Variants in OAT observed in about 807,000 individuals in gnomAD.
OAT encodes ornithine aminotransferase, mitochondrial.
Under a neutral mutation model 48.4 loss-of-function variants are expected in OAT, and 35 were observed. That is an observed-to-expected ratio of 0.72 (90% CI 0.55 to 0.96). The LOEUF (loss-of-function observed/expected upper bound fraction) is 0.96. Among genes scored for constraint, OAT ranks in the 40% least tolerant of loss-of-function variants. OAT has a pLI of 0.00. For synonymous variants in OAT, 182 were observed against 198.4 expected (o/e 0.92, Z 0.70); for missense variants, 438 against 537.9 (o/e 0.81, Z 1.84).
rs767965207 is a variant in OAT, at chr10:124,400,876, CT to C, written c.1122del (p.Gly375AspfsTer3). ...PSDVVTAVRG[K>X]GLLNAIVIKE... The stretch of plus-strand genomic sequence containing the variant: ...TTAATGACAATAGCGTTTAATAATC[CT>C]TTTCCTCTTACGGCAGTTACAACAT... On this transcript the variant is annotated frameshift_variant, in exon 9 of 10. Coordinates refer to ENST00000368845, the MANE Select transcript of OAT (RefSeq NM_000274.4). LOFTEE classifies it high-confidence loss of function. The C allele has an allele frequency of 6.2e-7, 1 of 1,604,984 alleles. No homozygotes were observed. Among genetic ancestry groups the C allele is most frequent in the Non-Finnish European group, 8.5e-7 (1 of 1,173,672 alleles).
In OAT at chr10:124,412,217, G is replaced by C. The variant is rs556341556; in HGVS notation, c.-29-17C>G. On this transcript the variant is annotated splice_polypyrimidine_tract_variant and intron_variant, in intron 1 of 9. Transcript: ENST00000368845. ...ACCACAGATCTGTCCAAAGAAAAGA[G>C]AATGCATTAAGAGTGAGAATCCTTG... is the stretch of plus-strand genomic sequence containing the variant. 4 of 1,563,674 alleles carry C rather than the reference G, an allele frequency of 2.6e-6. No individual in the cohort carries two copies. The Admixed American group carries it at 6.7e-5, about 26-fold the overall frequency.
At chr10:124,416,070 T>C (rs760553825) in intron 1 of OAT, among the ~76,000 whole-genome samples, 1 of 152,180 alleles carries the variant, frequency 6.6e-6, no homozygotes, top group Non-Finnish European at 1.5e-5. Flanking sequence ...GCATCCATAT[T>C]AGCTTTTTTT....
intron 4 of OAT, chr10:124,407,296 G>A: frequency 2.0e-6 from 2 of 985,462 alleles, no homozygotes; most frequent in Non-Finnish European, 2.4e-6. Context: ...AGGTATAAGG[G>A]ACTTACAGTT....
At chr10:124,402,551 A>G (rs1452279729) in intron 7 of OAT, among the ~76,000 whole-genome samples, 1 of 152,230 alleles carries the variant, frequency 6.6e-6, no homozygotes, top group Non-Finnish European at 1.5e-5. Context: ...CAAGACATGA[A>G]CTACAACAAA....
chr10:124,400,319 G>A (rs111663831), intron 9 of OAT, among the ~76,000 whole-genome samples: 1,938 of 151,750 alleles, frequency 0.013, 41 homozygotes, highest in African/African-American at 0.045. Context: ...GTGTTGGCAC[G>A]TGCCTGTAAT....
At position 124,397,933 on chromosome 10, in the gene OAT, T is replaced by C. The variant is rs758255749; in HGVS notation, c.*9A>G. Reference sequence around the variant, plus strand: ...GCTCCCAGGGACCACTGAAAACAGCTGGCTACCCTCAGAAAGACAAGATGG... The same window carrying C: ...GCTCCCAGGGACCACTGAAAACAGCCGGCTACCCTCAGAAAGACAAGATGG... On this transcript the variant is annotated 3_prime_UTR_variant, in exon 10 of 10. Coordinates refer to ENST00000368845, the MANE Select transcript of OAT (RefSeq NM_000274.4). The C allele has an allele frequency of 1.9e-6, 3 of 1,613,710 alleles. No individual in the cohort carries two copies. In the South Asian group the frequency reaches 3.3e-5, roughly 18 times the overall value.
intron 5 of OAT, among the ~76,000 whole-genome samples, chr10:124,404,271 A>ATTTCT (rs1951507436): frequency 7.1e-6 from 1 of 141,238 alleles, no homozygotes; most frequent in Non-Finnish European, 1.5e-5. Context: ...ATTTATTTTC[A>ATTTCT]TTTTTTTTTT....
At position 124,403,759 on chromosome 10, in the gene OAT, T is replaced by TC. The variant is rs1276369202; in HGVS notation, c.771+38dup. On this transcript the variant is annotated intron_variant, in intron 6 of 9. Transcript: ENST00000368845. ...TTCAGCCTCATCACAAACAGCTAACTCGACATTCAGCCTTATCACAAACAG... is the reference window on the plus strand; with the variant it reads ...TTCAGCCTCATCACAAACAGCTAACTCCGACATTCAGCCTTATCACAAACAG... 6 of 1,613,418 alleles carry TC rather than the reference T, an allele frequency of 3.7e-6. No homozygotes were observed. In the African/African-American group the frequency reaches 8.0e-5, roughly 22 times the overall value.
At chr10:124,411,878 C>A (rs536361682) in intron 2 of OAT, 95 bp downstream of exon 2, 120 of 1,059,702 alleles carry the variant, frequency 1.1e-4, no homozygotes, top group Non-Finnish European at 1.5e-4. Flanking sequence ...ACATTAAACA[C>A]ATCTAGAAAA....
chr10:124,413,257 CATAA>C (rs1389930576), intron 1 of OAT, among the ~76,000 whole-genome samples: 2 of 138,896 alleles, frequency 1.4e-5, no homozygotes, highest in African/African-American at 2.8e-5. Flanking sequence ...TACATACATA[CATAA>C]ATACATACAC....
intron 9 of OAT, among the ~76,000 whole-genome samples, chr10:124,400,581 C>T (rs1951378034): frequency 6.6e-6 from 1 of 151,964 alleles, no homozygotes; most frequent in African/African-American, 2.4e-5. Flanking sequence ...TATGAAACCC[C>T]ATCTCTATTA....
At position 124,400,926 on chromosome 10, in the gene OAT, T is replaced by C. The variant is rs1259134069; in HGVS notation, c.1073A>G (p.Asn358Ser). The C allele has an allele frequency of 6.2e-7, 1 of 1,610,254 alleles. No homozygotes were observed. The highest frequency in any genetic ancestry group is 1.3e-5 in the African/African-American group (1 of 74,850). ...NADKLGIILR[N>S]ELMKLPSDVV... is the part of the protein sequence containing the mutation. Reference sequence around the variant, plus strand: ...ATCAGAAGGTAGCTTCATGAGTTCATTTCTCAAGATAATGCCCAATTTGTC... The same window carrying C: ...ATCAGAAGGTAGCTTCATGAGTTCACTTCTCAAGATAATGCCCAATTTGTC... The change falls in exon 9 of 10, where the codon AAT becomes AGT. Residue 358 changes from asparagine to serine, a missense_variant. Asn to Ser is a conservative substitution (Grantham distance 46, BLOSUM62 1). Coordinates refer to ENST00000368845, the MANE Select transcript of OAT (RefSeq NM_000274.4).
Position 124,418,888 on chromosome 10 carries a change from G to A in OAT, c.-45C>T, listed in dbSNP as rs554936638. On this transcript the variant is annotated 5_prime_UTR_variant, in exon 1 of 10. Transcript: ENST00000368845. ...CAGACGGTACCTGACAGCGCCTGAG[G>A]ACAACCGGGTACACGCGGCGTCTAT... 35 of 152,400 alleles carry A rather than the reference G, an allele frequency of 2.3e-4. No homozygotes were observed. The highest frequency in any genetic ancestry group is 8.2e-4 in the African/African-American group (34 of 41,564). The allele number at this position is 152,400 out of a possible 1,614,324, so 9.4% of individuals were successfully genotyped here.
chr10:124,401,049 G>C (rs1242454779), intron 8 of OAT, 65 bp from the exon 9 acceptor site: 1 of 1,187,542 alleles, frequency 8.4e-7, no homozygotes, highest in African/African-American at 1.5e-5. Flanking sequence ...GGAGGACAAC[G>C]GGGACTGTAA....
intron 8 of OAT, among the ~76,000 whole-genome samples, 170 bp from the exon 9 acceptor site, chr10:124,401,154 T>C (rs1214739692): frequency 6.6e-6 from 1 of 152,248 alleles, no homozygotes; most frequent in Non-Finnish European, 1.5e-5. Context: ...AAACATACAC[T>C]AGCTCAGAGT....
chr10:124,403,711 G>C (rs2134459100), intron 6 of OAT, 87 bp downstream of exon 6: 1 of 1,554,816 alleles, frequency 6.4e-7, no homozygotes, highest in Non-Finnish European at 8.9e-7. Flanking sequence ...GCAGAATTCA[G>C]AGAGGAGTTG....
chr10:124,398,219 G>T, intron 9 of OAT, 117 bp from the exon 10 acceptor site: 1 of 1,172,312 alleles, frequency 8.5e-7, no homozygotes, highest in Non-Finnish European at 1.2e-6. Flanking sequence ...GCTCAACTAA[G>T]GGAAGCTTGG....
At chr10:124,412,478 C>A (rs1428752259) in intron 1 of OAT, among the ~76,000 whole-genome samples, 1 of 151,622 alleles carries the variant, frequency 6.6e-6, no homozygotes, top group Non-Finnish European at 1.5e-5. Context: ...CCACTGTACT[C>A]CAACCTGGGA....
In OAT at chr10:124,397,333, T is replaced by G. The variant is rs931714897; in HGVS notation, c.*609A>C. ...TTGAAATATAAGCTTTATTTTAAAT[T>G]TAAAGAAGTATTGAAAATAAACATT... On this transcript the variant is annotated 3_prime_UTR_variant, in exon 10 of 10. Transcript: ENST00000368845. 6.6e-6 allele frequency: 1 copy of G among 152,236 alleles called. No homozygotes were observed. The highest frequency in any genetic ancestry group is 2.4e-5 in the African/African-American group (1 of 41,448). 9.4% of individuals were successfully genotyped at this position (152,236 alleles called of 1,614,324 possible). A position where few individuals can be genotyped will look rare whatever the true frequency, so the allele number is the denominator to read the frequency against.
Sources: gnomAD v4.1 joint callset for allele counts (sites outside exome capture counted in the v4.1 genomes callset) on GRCh38, gnomAD v4.1.1 for gene constraint, MANE v1.5 for transcripts, NCBI Gene and HGNC (gene_info 2026-07-23, HGNC 2026-07-21) for gene names.